The following PCDH11X variants were observed in gnomAD, a reference collection of about 807,000 sequenced individuals.
The protein encoded by PCDH11X is protocadherin-11 X-linked.
Under a neutral mutation model 53.3 loss-of-function variants are expected in PCDH11X, and 18 were observed. That is an observed-to-expected ratio of 0.34 (90% CI 0.23 to 0.50). The LOEUF is 0.50. Among genes scored for constraint, PCDH11X ranks in the 20% least tolerant of loss-of-function variants. The probability of loss-of-function intolerance (pLI) is 0.98; values close to 1 mark genes in which losing one functional copy is unlikely to be tolerated. For synonymous variants in PCDH11X, 279 were observed against 393.3 expected, an observed-to-expected ratio of 0.71 and a Z score of 3.44; for missense variants, 570 against 1,032.4, an observed-to-expected ratio of 0.55 and a Z score of 6.14.
At chrX:92,265,319 C>A (rs1004720281) in intron 8 of PCDH11X, among the ~76,000 whole-genome samples, 1 of 110,806 alleles carries the variant, frequency 9.0e-6, no homozygotes, top group African/African-American at 3.3e-5. Flanking sequence ...TCCTGAGAAG[C>A]TAATGATTGG....
chrX:92,123,798 T>A (rs2558183), intron 6 of PCDH11X, among the ~76,000 whole-genome samples: 30,791 of 103,224 alleles, frequency 0.3, 5,206 homozygotes, highest in East Asian at 0.84. Flanking sequence ...AGATAGAATG[T>A]TATTCAAAAC....
chrX:92,408,862 G>A (rs778354605), intron 9 of PCDH11X, among the ~76,000 whole-genome samples: 4 of 107,926 alleles, frequency 3.7e-5, no homozygotes, highest in East Asian at 2.9e-4. Flanking sequence ...GATTACAGGC[G>A]TGAGCCACTG....
At chrX:91,870,607 G>T (rs1720960438) in intron 5 of PCDH11X, among the ~76,000 whole-genome samples, 1 of 110,478 alleles carries the variant, frequency 9.1e-6, no homozygotes, top group African/African-American at 3.3e-5. Flanking sequence ...TACAAAATAG[G>T]TTTTGCTAAG....
chrX:92,237,257 A>T (rs1291935619), intron 7 of PCDH11X, among the ~76,000 whole-genome samples: 1 of 111,288 alleles, frequency 9.0e-6, no homozygotes, highest in Admixed American at 9.6e-5. Flanking sequence ...AATGAAATCC[A>T]TAAAGATCAA....
Position 92,339,071 on chromosome X carries a change from A to T in PCDH11X, c.3145-48664A>T, listed in dbSNP as rs1193601265. Among the ~76,000 whole-genome samples the T allele has an allele frequency of 2.7e-5, 3 of 111,717 alleles. No homozygotes were observed. In the East Asian group the frequency reaches 8.5e-4, roughly 32 times the overall value. On this transcript the variant is annotated intron_variant, in intron 8 of 10. Transcript: ENST00000682573. ...GCATGATACCCATGCAAAAATAGAC[A>T]TAAAGACCAATGTAACAGACTAGAG...
intron 6 of PCDH11X, among the ~76,000 whole-genome samples, chrX:92,139,278 T>TTTTTC (rs2065137713): frequency 1.0e-5 from 1 of 96,433 alleles, no homozygotes; most frequent in African/African-American, 3.9e-5. Flanking sequence ...TTCTTTTTTT[T>TTTTTC]TTTTTTTTTT....
At chrX:92,113,296 G>A (rs35745987) in intron 6 of PCDH11X, 1 of 1,200,344 alleles carries the variant, frequency 8.3e-7, no homozygotes, top group Non-Finnish European at 1.1e-6. Context: ...GTTGTAGAAG[G>A]TCTCAATGTC....
chrX:92,003,406 G>A (rs879218119), intron 6 of PCDH11X, among the ~76,000 whole-genome samples: 1 of 110,611 alleles, frequency 9.0e-6, no homozygotes, highest in Non-Finnish European at 1.9e-5. Context: ...AATGAATTTG[G>A]CATTACTCCC....
chrX:92,218,223 A>G (rs1422895471), intron 7 of PCDH11X, among the ~76,000 whole-genome samples: 1 of 110,613 alleles, frequency 9.0e-6, no homozygotes, highest in East Asian at 2.8e-4. Flanking sequence ...AAATAGAGAC[A>G]CATAAAACCC....
chrX:92,599,762 G>A (rs1340810444), intron 10 of PCDH11X, among the ~76,000 whole-genome samples: 3 of 111,576 alleles, frequency 2.7e-5, no homozygotes, highest in Non-Finnish European at 5.6e-5. Flanking sequence ...ACAGTTTGTA[G>A]GGCTCAGAAG....
At chrX:92,037,805 G>A (rs1046791577) in intron 6 of PCDH11X, among the ~76,000 whole-genome samples, 2 of 110,360 alleles carry the variant, frequency 1.8e-5, no homozygotes, top group African/African-American at 6.6e-5. Context: ...TGATGTTGAG[G>A]GTTTTTTGTG....
chrX:92,337,413 C>T (rs1013711792), intron 8 of PCDH11X, among the ~76,000 whole-genome samples: 1 of 108,407 alleles, frequency 9.2e-6, no homozygotes, highest in Non-Finnish European at 1.9e-5. Flanking sequence ...TCAGAGAAAG[C>T]ACTACATTGT....
intron 7 of PCDH11X, among the ~76,000 whole-genome samples, chrX:92,247,314 A>G (rs2067369802): frequency 1.8e-5 from 2 of 111,525 alleles, no homozygotes; most frequent in Non-Finnish European, 3.8e-5. Context: ...ACTCTCCAGA[A>G]ACTTACATAT....
chrX:91,833,262 T>A (rs1239431302), intron 4 of PCDH11X, among the ~76,000 whole-genome samples: 1 of 111,393 alleles, frequency 9.0e-6, no homozygotes, highest in Admixed American at 9.7e-5. Context: ...CACATAAACA[T>A]CCAAAACTTC....
In PCDH11X at chrX:92,148,037, TTTCCC is replaced by T. The variant is rs1186683437; in HGVS notation, c.3034-53333_3034-53329del. ...TTTCCTTCCTTCCTTCCTTTCCTTCTTTCCCTTCCTTCCTTCCTTCCTTTCTTTCT... is the reference window on the plus strand; with the variant it reads ...TTTCCTTCCTTCCTTCCTTTCCTTCTTTCCTTCCTTCCTTCCTTTCTTTCT... On this transcript the variant is annotated intron_variant, in intron 6 of 10. Coordinates refer to ENST00000682573, the MANE Select transcript of PCDH11X (RefSeq NM_032968.5). Among the ~76,000 whole-genome samples the T allele has an allele frequency of 1.2e-3, 90 of 78,079 alleles. 7 individuals carry two copies. Among genetic ancestry groups the T allele is most frequent in the African/African-American group, 4.6e-3 (84 of 18,127 alleles). 67.8% of individuals were successfully genotyped at this position (78,079 alleles called of 115,157 possible).
chrX:92,548,607 G>A (rs181412354), intron 10 of PCDH11X, among the ~76,000 whole-genome samples: 1 of 103,664 alleles, frequency 9.6e-6, no homozygotes, highest in African/African-American at 3.3e-5. Flanking sequence ...CTTCTGAAAT[G>A]TGAGCCAATT....
In PCDH11X at chrX:91,830,552, T is replaced by A. The variant is rs1312634088; in HGVS notation, c.-44-4909T>A. Among the ~76,000 whole-genome samples, 3 of 110,722 alleles carry A rather than the reference T, an allele frequency of 2.7e-5. No homozygotes were observed. In the East Asian group the frequency reaches 8.6e-4, roughly 32 times the overall value. On this transcript the variant is annotated intron_variant, in intron 4 of 10. Coordinates refer to ENST00000682573, the MANE Select transcript of PCDH11X (RefSeq NM_032968.5). ...GTTTATCGGTTGCTCCAATTTGTCT[T>A]TCTCCCAATGTGGTTACTTTTATTG...
intron 6 of PCDH11X, among the ~76,000 whole-genome samples, chrX:92,059,459 G>T (rs1165227424): frequency 9.0e-6 from 1 of 110,667 alleles, no homozygotes; most frequent in Non-Finnish European, 1.9e-5. Flanking sequence ...TTGCTTCTGA[G>T]TACTCAGAAT....
At chrX:91,932,556 C>G (rs939064978) in intron 6 of PCDH11X, among the ~76,000 whole-genome samples, 10 of 98,741 alleles carry the variant, frequency 1.0e-4, no homozygotes, top group African/African-American at 3.3e-4. Flanking sequence ...CAAACAGAGT[C>G]AGTAGTAGCA....
Sources: gnomAD v4.1 joint callset for allele counts (sites outside exome capture counted in the v4.1 genomes callset) on GRCh38, gnomAD v4.1.1 for gene constraint, MANE v1.5 for transcripts, NCBI Gene and HGNC (gene_info 2026-07-23, HGNC 2026-07-21) for gene names.